SPG7: variants seen among roughly 807,000 people sequenced by gnomAD.
The protein encoded by SPG7 is SPG7 matrix AAA peptidase subunit, paraplegin, also known as mitochondrial inner membrane m-AAA protease component paraplegin.
SPG7 carries 103 observed loss-of-function variants against 81.9 expected under a neutral mutation model. The ratio of observed to expected loss-of-function variants is 1.26; its 90% CI spans 1.07 to 1.48. SPG7 has a LOEUF of 1.48. SPG7 is among the 40% of genes most tolerant of loss of function. The probability of loss-of-function intolerance (pLI) is 0.00; values close to 1 mark genes in which losing one functional copy is unlikely to be tolerated. For missense variants in SPG7, 1,241 were observed against 1,087.3 expected, an observed-to-expected ratio of 1.14 and a Z score of -1.99; for synonymous variants, 534 against 444.2, an observed-to-expected ratio of 1.20 and a Z score of -2.54.
rs1437717560 is a variant in SPG7, at chr16:89,546,778, A to G, written c.1552+18A>G. The G allele has an allele frequency of 2.6e-6, 4 of 1,548,980 alleles. No individual in the cohort carries two copies. Among genetic ancestry groups the G allele is most frequent in the South Asian group, 1.1e-5 (1 of 89,874 alleles). ...ATTCAGTGGTACGTTCTCAACCCGC[A>G]GCCTGGGCAGCGTCACGTCCTGAGG... On this transcript the variant is annotated intron_variant, in intron 11 of 16. Coordinates refer to ENST00000645818, the MANE Select transcript of SPG7 (RefSeq NM_003119.4).
intron 3 of SPG7, chr16:89,518,483 C>T (rs1237498059): frequency 2.0e-5 from 3 of 151,324 alleles, no homozygotes; most frequent in East Asian, 3.9e-4. Context: ...AGGAATTACA[C>T]GGAGTGAAAA....
intron 3 of SPG7, among the ~76,000 whole-genome samples, chr16:89,515,989 G>C (rs933293338): frequency 6.6e-6 from 1 of 151,920 alleles, no homozygotes; most frequent in Non-Finnish European, 1.5e-5. Flanking sequence ...GATTACAGGT[G>C]TGAGCCACCG....
chr16:89,531,184 C>T lies in SPG7; in HGVS notation c.987+376C>T, dbSNP rs113783389. ...ACACGTTTCCTCCGCGGGCCTGGTA[C>T]GGTGGGTCGCACCTGTAGTCCTGGC... On this transcript the variant is annotated intron_variant, in intron 7 of 16. Coordinates refer to ENST00000645818, the MANE Select transcript of SPG7 (RefSeq NM_003119.4). 2,411 of 363,854 alleles carry T rather than the reference C, an allele frequency of 6.6e-3. 50 individuals are homozygous for T. The highest frequency in any genetic ancestry group is 0.044 in the African/African-American group (2,074 of 47,314). The allele number at this position is 363,854 out of a possible 1,614,324, so 22.5% of individuals were successfully genotyped here.
At chr16:89,525,716 G>A (rs1051379587) in intron 4 of SPG7, among the ~76,000 whole-genome samples, 2 of 152,218 alleles carry the variant, frequency 1.3e-5, no homozygotes, top group African/African-American at 4.8e-5. Context: ...GTGTCCTGGT[G>A]TGAGGGATGA....
At position 89,530,823 on chromosome 16, in the gene SPG7, G is replaced by C; in HGVS notation, c.987+15G>C. ...ATTATCTGAAGGTGAAAGCAGCGTG[G>C]GCCGGGAGGGAGGTGTGAGCAGAGG... is the stretch of plus-strand genomic sequence containing the variant. On this transcript the variant is annotated intron_variant, in intron 7 of 16. Transcript: ENST00000645818. 1 of 1,613,808 alleles carries C rather than the reference G, an allele frequency of 6.2e-7. No homozygotes were observed.
chr16:89,528,371 G>T (rs1340760004), intron 5 of SPG7, among the ~76,000 whole-genome samples: 1 of 144,788 alleles, frequency 6.9e-6, no homozygotes, highest in Admixed American at 7.1e-5. Flanking sequence ...TGGCCTGGGT[G>T]ACAGAGCCAG....
At chr16:89,552,375 A>G (rs2058643629) in intron 13 of SPG7, 1 of 157,930 alleles carries the variant, frequency 6.3e-6, no homozygotes, top group Non-Finnish European at 1.4e-5. Flanking sequence ...TTTAGATTTT[A>G]AATTAAGCGT....
At position 89,530,828 on chromosome 16, in the gene SPG7, G is replaced by A. The variant is rs2058331969; in HGVS notation, c.987+20G>A. 6.2e-7 allele frequency: 1 copy of A among 1,613,562 alleles called. No homozygotes were observed. The highest frequency in any genetic ancestry group is 1.3e-5 in the African/African-American group (1 of 74,888). On this transcript the variant is annotated intron_variant, in intron 7 of 16. Transcript: ENST00000645818. ...CTGAAGGTGAAAGCAGCGTGGGCCG[G>A]GAGGGAGGTGTGAGCAGAGGCCGGC...
intron 9 of SPG7, chr16:89,537,449 T>C: frequency 9.9e-7 from 1 of 1,014,460 alleles, no homozygotes; most frequent in Non-Finnish European, 1.2e-6. Context: ...TTCAACGTAG[T>C]CATCCCCTGG....
intron 3 of SPG7, among the ~76,000 whole-genome samples, chr16:89,515,686 C>CTAT (rs1280435349): frequency 3.5e-4 from 52 of 149,544 alleles, no homozygotes; most frequent in African/African-American, 1.2e-3. Context: ...ACCCTCATTT[C>CTAT]TATTATTATT....
chr16:89,557,243 C>T lies in SPG7; in HGVS notation c.*150C>T. 1 of 619,264 alleles carries T rather than the reference C, an allele frequency of 1.6e-6. No individual in the cohort carries two copies. The highest frequency in any genetic ancestry group is 2.9e-6 in the Non-Finnish European group (1 of 347,918). 38.4% of individuals were successfully genotyped at this position (619,264 alleles called of 1,614,324 possible). On this transcript the variant is annotated 3_prime_UTR_variant, in exon 17 of 17. Coordinates refer to ENST00000645818, the MANE Select transcript of SPG7 (RefSeq NM_003119.4). ...CTTCTGAGATCTGTTGATTGATGAC[C>T]CTTTTCATGATTTTAAGTTTCTCTG...
Position 89,557,599 on chromosome 16 carries a change from C to A in SPG7, c.*506C>A, listed in dbSNP as rs898867647. On this transcript the variant is annotated 3_prime_UTR_variant, in exon 17 of 17. Transcript: ENST00000645818. ...CAATGGGGCCAGTCAGGCCCAGGCA[C>A]TGGGCTCCGGAGGACTCACCACTGC... 1.6e-5 allele frequency: 3 copies of A among 185,030 alleles called. No homozygotes were observed. The South Asian group carries it at 3.1e-4, about 19-fold the overall frequency. 11.5% of individuals were successfully genotyped at this position (185,030 alleles called of 1,614,324 possible).
At chr16:89,556,650 T>A (rs2058689868) in intron 16 of SPG7, 1 of 541,650 alleles carries the variant, frequency 1.8e-6, no homozygotes, top group African/African-American at 1.9e-5. Context: ...TAAGCCAAGA[T>A]TTTGAATAGA....
intron 7 of SPG7, 79 bp downstream of exon 7, chr16:89,530,887 C>T: frequency 6.3e-7 from 1 of 1,591,902 alleles, no homozygotes; most frequent in Non-Finnish European, 8.6e-7. Flanking sequence ...CCTGCGGGAC[C>T]TGGAATTCCA....
rs1044516493 is a variant in SPG7, at chr16:89,556,142, C to G, written c.2182-745C>G. Reference sequence around the variant, plus strand: ...GTCTGCCCCGTGTATGAACTGTCAGCTACTCACACACTCAGTGGGTTGCAG... The same window carrying G: ...GTCTGCCCCGTGTATGAACTGTCAGGTACTCACACACTCAGTGGGTTGCAG... On this transcript the variant is annotated intron_variant, in intron 16 of 16. Coordinates refer to ENST00000645818, the MANE Select transcript of SPG7 (RefSeq NM_003119.4). 7.3e-5 allele frequency: 29 copies of G among 398,840 alleles called. No homozygotes were observed. The Admixed American group carries it at 8.4e-4, about 11-fold the overall frequency. 24.7% of individuals were successfully genotyped at this position (398,840 alleles called of 1,614,324 possible).
At chr16:89,549,749 G>C (rs1283501731) in intron 12 of SPG7, 1 of 165,014 alleles carries the variant, frequency 6.1e-6, no homozygotes, top group African/African-American at 2.4e-5. Context: ...AAAGTGATGG[G>C]GATGGGAGCT....
In SPG7 at chr16:89,510,580, T is replaced by C; in HGVS notation, c.274T>C (p.Trp92Arg). The C allele has an allele frequency of 6.2e-7, 1 of 1,608,106 alleles. No individual in the cohort carries two copies. Among genetic ancestry groups the C allele is most frequent in the East Asian group, 2.2e-5 (1 of 44,840 alleles). ...QHLVQNPVRL[W>R]QLLGGTFYFN... ...TTTAGTTCAGAATCCAGTCAGACTC[T>C]GGCAACTTTTAGGTATGTATCTGTT... Residue 92 changes from tryptophan (W) to arginine (R), a missense_variant, in exon 2 of 17, where the codon TGG becomes CGG. Coordinates refer to ENST00000645818, the MANE Select transcript of SPG7 (RefSeq NM_003119.4).
rs186425743 is a variant in SPG7 at position 89,547,761 on chromosome 16, C to T, written c.1553-242C>T. 79 of 464,394 alleles carry T rather than the reference C, an allele frequency of 1.7e-4. 1 individual carries two copies. Among genetic ancestry groups the T allele is most frequent in the African/African-American group, 1.2e-3 (61 of 50,438 alleles). The allele number at this position is 464,394 out of a possible 1,614,324, so 28.8% of individuals were successfully genotyped here. ...CTGAGTAGCTGGGATTACAGGCGCT[C>T]ACCACCACGCCCGGCTAATTTTTGT... is the stretch of plus-strand genomic sequence containing the variant. On this transcript the variant is annotated intron_variant, in intron 11 of 16. Transcript: ENST00000645818.
chr16:89,526,418 G>A lies in SPG7; in HGVS notation c.708G>A (p.Glu236=), dbSNP rs1179084799. 1 of 1,614,160 alleles carries A rather than the reference G, an allele frequency of 6.2e-7. No homozygotes were observed. Among genetic ancestry groups the A allele is most frequent in the South Asian group, 1.1e-5 (1 of 91,084 alleles). The change falls in exon 5 of 17, where the codon GAG becomes GAA. Residue 236 remains glutamate, a synonymous_variant. Transcript: ENST00000645818. The stretch of plus-strand genomic sequence containing the variant: ...CAGCTGAAGATGAGCTGAATATCGA[G>A]GCCAAGGACAGGATCCCAGTTTCCT... ...LRAAEDELNI[E]AKDRIPVSYK...
Sources: allele counts gnomAD v4.1 joint callset (sites outside exome capture counted in the v4.1 genomes callset), GRCh38; gene constraint gnomAD v4.1.1; transcripts MANE v1.5; gene names NCBI Gene and HGNC (gene_info 2026-07-23, HGNC 2026-07-21).